The following GLT8D2 variants were observed in gnomAD, a reference collection of about 807,000 sequenced individuals.
GLT8D2 encodes the protein glycosyltransferase 8 domain containing 2, also known as glycosyltransferase 8 domain-containing protein 2.
GLT8D2 carries 45 observed loss-of-function variants against 44.5 expected under a neutral mutation model. The ratio of observed to expected loss-of-function variants is 1.01; its 90% CI spans 0.80 to 1.30. The LOEUF (loss-of-function observed/expected upper bound fraction) is 1.30. GLT8D2 is among the 50% of genes most tolerant of loss of function. GLT8D2 has a pLI of 0.00. For synonymous variants in GLT8D2, 156 were observed against 157.2 expected, an observed-to-expected ratio of 0.99 and a Z score of 0.06; for missense variants, 400 against 430.4, an observed-to-expected ratio of 0.93 and a Z score of 0.62.
At chr12:104,034,457 G>A (rs1178752294) in intron 1 of GLT8D2, among the ~76,000 whole-genome samples, 2 of 152,260 alleles carry the variant, frequency 1.3e-5, no homozygotes, top group Non-Finnish European at 2.9e-5. Context: ...CTTTTCCAGT[G>A]GTCTTAGCAA....
chr12:104,021,909 GAAGAAGAAGAAGAAGAA>G (rs1877743974), intron 1 of GLT8D2, among the ~76,000 whole-genome samples: 2 of 15,012 alleles, frequency 1.3e-4, no homozygotes, highest in East Asian at 0.017. Flanking sequence ...AGAAGAAGAA[GAAGAAGAAGAAGAAGAA>G]GAAGAAGAAG....
At chr12:104,013,039 C>G (rs996049766) in intron 4 of GLT8D2, among the ~76,000 whole-genome samples, 5 of 152,228 alleles carry the variant, frequency 3.3e-5, no homozygotes, top group Non-Finnish European at 7.3e-5. Context: ...GCCACCTAGT[C>G]TGTGCTATTT....
In GLT8D2 at chr12:103,996,758, T is replaced by C; in HGVS notation, c.577A>G (p.Ile193Val). Residue 193 changes from isoleucine (I) to valine (V), a missense_variant, in exon 8 of 11, where the codon ATA becomes GTA. Coordinates refer to ENST00000360814, the MANE Select transcript of GLT8D2 (RefSeq NM_001384711.1). ...ACCTGAAGTCCCACGAGTCTGTTTA[T>C]GTCCTGAGCAGAGGGCAAATCGCAG... is the stretch of plus-strand genomic sequence containing the variant. ...DDCDLPSAQD[I>V]NRLVGLQNTY... 1 of 1,613,912 alleles carries C rather than the reference T, an allele frequency of 6.2e-7. No homozygotes were observed. Among genetic ancestry groups the C allele is most frequent in the Non-Finnish European group, 8.5e-7 (1 of 1,179,828 alleles).
At chr12:104,051,240 C>T (rs964411342), upstream of GLT8D2, among the ~76,000 whole-genome samples, 1 of 152,054 alleles carries the variant, frequency 6.6e-6, no homozygotes, top group African/African-American at 2.4e-5. Context: ...CCCGTCTCAG[C>T]CTCCTGAGTA....
chr12:104,003,055 A>AGAGG (rs1874448950), intron 5 of GLT8D2, 80 bp downstream of exon 5: 4 of 1,010,152 alleles, frequency 4.0e-6, no homozygotes, highest in South Asian at 1.5e-5. Context: ...AAGAAGAAGA[A>AGAGG]GAGGTAGGGA....
intron 1 of GLT8D2, among the ~76,000 whole-genome samples, chr12:104,038,380 G>A (rs1249071100): frequency 1.3e-5 from 2 of 152,220 alleles, no homozygotes; most frequent in Non-Finnish European, 2.9e-5. Context: ...TGACATGATT[G>A]TGCATTTAGA....
At chr12:104,055,860 A>G (rs530723459) in intron 1 of GLT8D2, among the ~76,000 whole-genome samples, 31 of 152,342 alleles carry the variant, frequency 2.0e-4, no homozygotes, top group Middle Eastern at 3.4e-3. Flanking sequence ...TTTGTCTCCC[A>G]TGGCTGGGCT....
chr12:104,062,873 A>G (rs1054947980), intron 1 of GLT8D2, among the ~76,000 whole-genome samples: 5 of 152,204 alleles, frequency 3.3e-5, no homozygotes, highest in Non-Finnish European at 7.3e-5. Flanking sequence ...CCCAGTCCCC[A>G]GCAACCAGTC....
chr12:104,058,906 A>T (rs1448268210), intron 1 of GLT8D2, among the ~76,000 whole-genome samples: 1 of 152,208 alleles, frequency 6.6e-6, no homozygotes, highest in African/African-American at 2.4e-5. Flanking sequence ...CACGGATAGC[A>T]CCAAATCCTA....
At chr12:104,036,343 C>A (rs1446068435) in intron 1 of GLT8D2, among the ~76,000 whole-genome samples, 1 of 151,982 alleles carries the variant, frequency 6.6e-6, no homozygotes, top group Non-Finnish European at 1.5e-5. Context: ...ACTATATGTC[C>A]CAATTAAAAG....
chr12:104,015,279 A>G (rs1290419512), intron 3 of GLT8D2, among the ~76,000 whole-genome samples, 174 bp from the exon 4 acceptor site: 2 of 152,040 alleles, frequency 1.3e-5, no homozygotes, highest in African/African-American at 4.8e-5. Flanking sequence ...CAGGTGTGGT[A>G]GCTCATGCCT....
chr12:104,018,014 G>A (rs1485614220), intron 3 of GLT8D2, among the ~76,000 whole-genome samples: 1 of 151,520 alleles, frequency 6.6e-6, no homozygotes, highest in African/African-American at 2.4e-5. Flanking sequence ...CAGTTGCCCT[G>A]GCTGGAGTGC....
In GLT8D2 at chr12:103,997,479, G is replaced by A; in HGVS notation, c.459C>T (p.Ile153=). 3 of 1,613,680 alleles carry A rather than the reference G, an allele frequency of 1.9e-6. No individual in the cohort carries two copies. The highest frequency in any genetic ancestry group is 2.5e-6 in the Non-Finnish European group (3 of 1,179,590). The change falls in exon 7 of 11, where the codon ATC becomes ATT. Residue 153 remains isoleucine, a synonymous_variant. Coordinates refer to ENST00000360814, the MANE Select transcript of GLT8D2 (RefSeq NM_001384711.1). The stretch of plus-strand genomic sequence containing the variant: ...GTACAATTACATCATCGTCCAAATA[G>A]ATGACTTTCTCGTGTTGGTGGATAA... ...PLLIHQHEKV[I]YLDDDVIVQG... is the part of the protein sequence containing the mutation.
intron 1 of GLT8D2, among the ~76,000 whole-genome samples, chr12:104,060,273 T>C (rs1882526536): frequency 6.6e-6 from 1 of 152,220 alleles, no homozygotes; most frequent in Non-Finnish European, 1.5e-5. Context: ...TGCTGGCTTC[T>C]TCAGGGTGCT....
chr12:104,045,892 TAAGAAAGAAAGAAAGA>T (rs34932758), intron 1 of GLT8D2, among the ~76,000 whole-genome samples: 348 of 112,142 alleles, frequency 3.1e-3, no homozygotes, highest in African/African-American at 8.3e-3. Flanking sequence ...AAAAGAAAGA[TAAGAAAGAAAGAAAGA>T]AAGAAAGAAA....
At chr12:104,033,521 G>C (rs75307978) in intron 1 of GLT8D2, among the ~76,000 whole-genome samples, 5,007 of 152,096 alleles carry the variant, frequency 0.033, 278 homozygotes, top group African/African-American at 0.12. Context: ...GGGAAATGTC[G>C]GTCAAAGGGT....
At chr12:104,040,670 C>T (rs899436990) in intron 1 of GLT8D2, among the ~76,000 whole-genome samples, 7 of 152,068 alleles carry the variant, frequency 4.6e-5, no homozygotes, top group East Asian at 3.9e-4. Flanking sequence ...GTGATCCACC[C>T]GCCTCAGCCT....
intron 1 of GLT8D2, among the ~76,000 whole-genome samples, chr12:104,061,376 A>AT (rs1265328612): frequency 1.3e-5 from 2 of 152,056 alleles, no homozygotes; most frequent in East Asian, 1.9e-4. Flanking sequence ...GGAACGTTTG[A>AT]TTTTTTCCTT....
intron 2 of GLT8D2, 124 bp downstream of exon 2, chr12:104,021,233 A>T (rs1266810896): frequency 1.3e-5 from 2 of 152,218 alleles, no homozygotes; most frequent in Non-Finnish European, 2.9e-5. Context: ...CCTAGGTGGG[A>T]TGGCTAGGTG....
Sources: allele counts gnomAD v4.1 joint callset (sites outside exome capture counted in the v4.1 genomes callset), GRCh38; gene constraint gnomAD v4.1.1; transcripts MANE v1.5; gene names NCBI Gene and HGNC (gene_info 2026-07-23, HGNC 2026-07-21).